The following XPO5 variants were observed in gnomAD, a reference collection of about 807,000 sequenced individuals.
XPO5 encodes exportin 5.
A neutral mutation model predicts 160.6 loss-of-function variants in XPO5; 46 were observed. The observed-to-expected ratio is 0.29, with a 90% CI of 0.23 to 0.37. XPO5 has a LOEUF of 0.37. Among genes scored for constraint, XPO5 ranks in the 10% least tolerant of loss-of-function variants. The pLI, the probability that XPO5 is intolerant of heterozygous loss-of-function variation, is 1.00. For missense variants in XPO5, 1,090 were observed against 1,463.9 expected, an observed-to-expected ratio of 0.74 and a Z score of 4.17; for synonymous variants, 537 against 519.3, an observed-to-expected ratio of 1.03 and a Z score of -0.46.
rs548359864 is a variant in XPO5 at position 43,556,778 on chromosome 6, C to T, written c.1313-814G>A. 1.5e-3 allele frequency among the ~76,000 whole-genome samples: 221 copies of T among 152,180 alleles called. 1 individual carries two copies. Among genetic ancestry groups the T allele is most frequent in the African/African-American group, 4.9e-3 (204 of 41,530 alleles). On this transcript the variant is annotated intron_variant, in intron 12 of 31. Transcript: ENST00000265351. ...AAATGGAAATAACTCAAATGTCCAT[C>T]AACAGATGAATAAATGAGTAAATGT...
In XPO5 at chr6:43,533,955, A is replaced by G. The variant is rs1441335567; in HGVS notation, c.2395T>C (p.Phe799Leu). The stretch of plus-strand genomic sequence containing the variant: ...TCAAGCATATCCAGAGCCTTGGTGA[A>G]AGGCTCTGCCATTTTGGCTAGCATT... ...PEMLAKMAEP[F>L]TKALDMLDAE... Residue 799 changes from phenylalanine (F) to leucine (L), a missense_variant, in exon 21 of 32, where the codon TTC becomes CTC. By Grantham distance (22) the Phe-to-Leu change is conservative. Around this residue, in one of 3 missense-constraint regions of XPO5, gnomAD observed 810 missense variants for 1,139.0 expected, o/e 0.71. Coordinates refer to ENST00000265351, the MANE Select transcript of XPO5 (RefSeq NM_020750.3). 1.2e-6 allele frequency: 2 copies of G among 1,607,532 alleles called. No homozygotes were observed. Among genetic ancestry groups the G allele is most frequent in the East Asian group, 2.2e-5 (1 of 44,572 alleles).
At chr6:43,553,089 G>A (rs535260274) in intron 14 of XPO5, among the ~76,000 whole-genome samples, 2 of 152,262 alleles carry the variant, frequency 1.3e-5, no homozygotes, top group South Asian at 4.1e-4. Flanking sequence ...CAAGGCAGGA[G>A]GGTCGCTTGA....
Position 43,562,877 on chromosome 6 carries a change from A to G in XPO5, c.912-531T>C, listed in dbSNP as rs545218579. On this transcript the variant is annotated intron_variant, in intron 8 of 31. Transcript: ENST00000265351. ...AGTAACTACCCAAAAAACGTTATTC[A>G]TTTAATTAACAGGATCCCTTAAAAC... Among the ~76,000 whole-genome samples the G allele has an allele frequency of 2.0e-5, 3 of 152,340 alleles. No individual in the cohort carries two copies. In the South Asian group the frequency reaches 6.2e-4, roughly 32 times the overall value.
chr6:43,554,760 G>A (rs73426776), intron 13 of XPO5, among the ~76,000 whole-genome samples: 4 of 152,096 alleles, frequency 2.6e-5, no homozygotes, highest in Non-Finnish European at 5.9e-5. Flanking sequence ...TACATACAGC[G>A]TAGTCCTATT....
At chr6:43,570,028 T>C (rs1417321304) in intron 5 of XPO5, among the ~76,000 whole-genome samples, 2 of 144,760 alleles carry the variant, frequency 1.4e-5, no homozygotes, top group East Asian at 4.0e-4. Context: ...TTTTTTTTTT[T>C]TTAAAAAAGG....
intron 20 of XPO5, among the ~76,000 whole-genome samples, chr6:43,543,863 G>C (rs1794835097): frequency 6.6e-6 from 1 of 151,964 alleles, no homozygotes; most frequent in African/African-American, 2.4e-5. Flanking sequence ...TTTTAGTAGA[G>C]GTGGGGTTTC....
At chr6:43,573,825 T>TATATATA (rs1561889363) in intron 1 of XPO5, among the ~76,000 whole-genome samples, 96 of 85,212 alleles carry the variant, frequency 1.1e-3, no homozygotes, top group African/African-American at 4.8e-3. Flanking sequence ...ATATATATAT[T>TATATATA]TTTTTTTTTT....
intron 18 of XPO5, 100 bp downstream of exon 18, chr6:43,548,161 C>T (rs971902389): frequency 9.5e-6 from 11 of 1,160,242 alleles, no homozygotes; most frequent in Non-Finnish European, 1.2e-5. Context: ...AATGCCATCA[C>T]ACTTCAATAT....
rs80010268 is a variant in XPO5 at position 43,549,357 on chromosome 6, C to A, written c.1860+132G>T. ...GGGATTACAGGTGTGAGCCACCATG[C>A]CCGGCCAAGGATGCTTATATGATGC... On this transcript the variant is annotated intron_variant, in intron 17 of 31. Coordinates refer to ENST00000265351, the MANE Select transcript of XPO5 (RefSeq NM_020750.3). 21 of 860,154 alleles carry A rather than the reference C, an allele frequency of 2.4e-5. No homozygotes were observed. In the South Asian group the frequency reaches 4.1e-4, roughly 17 times the overall value. 53.3% of individuals were successfully genotyped at this position (860,154 alleles called of 1,614,324 possible). A position where few individuals can be genotyped will look rare whatever the true frequency, so the allele number is the denominator to read the frequency against.
chr6:43,548,881 G>T (rs1238369325), intron 17 of XPO5, among the ~76,000 whole-genome samples: 4 of 152,036 alleles, frequency 2.6e-5, no homozygotes, highest in Non-Finnish European at 5.9e-5. Context: ...CTTTTCTCAA[G>T]ATCAGGCACA....
At chr6:43,557,209 G>A (rs919607413) in intron 12 of XPO5, among the ~76,000 whole-genome samples, 2 of 150,070 alleles carry the variant, frequency 1.3e-5, no homozygotes, top group African/African-American at 4.9e-5. Context: ...GGTGGATCAC[G>A]AGGTCAGGAG....
chr6:43,553,143 T>C (rs1795331169), intron 14 of XPO5, among the ~76,000 whole-genome samples: 1 of 151,910 alleles, frequency 6.6e-6, no homozygotes, highest in African/African-American at 2.4e-5. Context: ...GACTCCATTT[T>C]TATTATAAAT....
chr6:43,530,767 C>T lies in XPO5; in HGVS notation c.2598G>A (p.Glu866=), dbSNP rs1157799913. Residue 866 remains glutamate (E), a synonymous_variant, in exon 23 of 32, where the codon GAG becomes GAA. Coordinates refer to ENST00000265351, the MANE Select transcript of XPO5 (RefSeq NM_020750.3). The part of the protein sequence containing the change: ...PSMQQDFYTV[E]DLATQLLSSA... ...AGCTGAGAAGCTGGGTAGCAAGGTC[C>T]TCCACAGTATAGAAGTCTTGCTGCA... 5 of 1,613,806 alleles carry T rather than the reference C, an allele frequency of 3.1e-6. No homozygotes were observed. Among genetic ancestry groups the T allele is most frequent in the Non-Finnish European group, 4.2e-6 (5 of 1,179,890 alleles).
At chr6:43,549,018 T>A (rs1795100676) in intron 17 of XPO5, among the ~76,000 whole-genome samples, 1 of 152,164 alleles carries the variant, frequency 6.6e-6, no homozygotes, top group East Asian at 1.9e-4. Flanking sequence ...GCCATCACAT[T>A]TCTAACTATA....
chr6:43,539,787 G>T (rs1582213031), intron 20 of XPO5: 1 of 569,286 alleles, frequency 1.8e-6, no homozygotes, highest in Non-Finnish European at 3.1e-6. Context: ...TTCCTTGAAG[G>T]TCTGGGAGAA....
At chr6:43,531,004 G>A (rs1369424801) in intron 22 of XPO5, among the ~76,000 whole-genome samples, 180 bp from the exon 23 acceptor site, 1 of 152,218 alleles carries the variant, frequency 6.6e-6, no homozygotes. Flanking sequence ...TGGTGGCCGA[G>A]ATCAGCAGTA....
chr6:43,552,501 C>T (rs1419497860), intron 14 of XPO5, among the ~76,000 whole-genome samples: 4 of 152,116 alleles, frequency 2.6e-5, no homozygotes, highest in African/African-American at 7.2e-5. Context: ...TACAGACATG[C>T]ACCAGCATGC....
At chr6:43,527,955 C>T (rs901771073) in intron 25 of XPO5, among the ~76,000 whole-genome samples, 2 of 152,230 alleles carry the variant, frequency 1.3e-5, no homozygotes, top group Admixed American at 1.3e-4. Flanking sequence ...AGTAAGGTAA[C>T]AGTAGCCCCT....
intron 9 of XPO5, among the ~76,000 whole-genome samples, chr6:43,561,225 T>C (rs751248378): frequency 6.6e-6 from 1 of 152,032 alleles, no homozygotes; most frequent in African/African-American, 2.4e-5. Flanking sequence ...TACTCAATCA[T>C]CATCATTAAA....
Sources: gnomAD v4.1 joint callset for allele counts (sites outside exome capture counted in the v4.1 genomes callset) on GRCh38, gnomAD v4.1.1 for gene constraint, gnomAD v4.1.1 regional missense constraint, MANE v1.5 for transcripts, NCBI Gene and HGNC (gene_info 2026-07-23, HGNC 2026-07-21) for gene names.